The following UBASH3B variants were observed in gnomAD, a reference collection of about 807,000 sequenced individuals.
UBASH3B encodes ubiquitin-associated and SH3 domain-containing protein B.
A neutral mutation model predicts 83.4 loss-of-function variants in UBASH3B; 37 were observed. That is an observed-to-expected ratio of 0.44 (90% CI 0.34 to 0.58). The LOEUF (loss-of-function observed/expected upper bound fraction) is 0.58, where lower values mean the gene tolerates loss of function less well. Among genes scored for constraint, UBASH3B ranks in the 20% least tolerant of loss-of-function variants. The pLI, the probability that UBASH3B is intolerant of heterozygous loss-of-function variation, is 0.01. For missense variants in UBASH3B, 657 were observed against 827.2 expected, an observed-to-expected ratio of 0.79 and a Z score of 2.52; for synonymous variants, 304 against 318.3, an observed-to-expected ratio of 0.96 and a Z score of 0.48.
intron 1 of UBASH3B, among the ~76,000 whole-genome samples, chr11:122,741,907 C>T (rs574799296): frequency 1.3e-5 from 2 of 152,306 alleles, no homozygotes; most frequent in South Asian, 4.1e-4. Flanking sequence ...CCAAGCAGTC[C>T]AACCCCGCTA....
At chr11:122,790,042 C>A (rs144524229) in intron 6 of UBASH3B, among the ~76,000 whole-genome samples, 54 of 152,340 alleles carry the variant, frequency 3.5e-4, no homozygotes, top group African/African-American at 1.3e-3. Context: ...GCCAGCGCTT[C>A]CCTGGCACAC....
chr11:122,743,920 C>A (rs913039821), intron 1 of UBASH3B, among the ~76,000 whole-genome samples: 1 of 152,162 alleles, frequency 6.6e-6, no homozygotes, highest in Non-Finnish European at 1.5e-5. Context: ...AAACCCCTGG[C>A]GAGGAAGAGG....
At chr11:122,787,352 G>A (rs991617950) in intron 5 of UBASH3B, among the ~76,000 whole-genome samples, 3 of 152,152 alleles carry the variant, frequency 2.0e-5, no homozygotes, top group Non-Finnish European at 4.4e-5. Context: ...GGAAGAATAA[G>A]GAGGCAATCA....
intron 3 of UBASH3B, among the ~76,000 whole-genome samples, chr11:122,778,585 C>A (rs1002467767): frequency 4.0e-4 from 56 of 138,614 alleles, no homozygotes; most frequent in African/African-American, 1.5e-3. Context: ...GCAAGGAGAA[C>A]TTTGATTTTT....
chr11:122,769,643 C>T (rs1860608791), intron 1 of UBASH3B, among the ~76,000 whole-genome samples: 1 of 152,224 alleles, frequency 6.6e-6, no homozygotes, highest in Non-Finnish European at 1.5e-5. Context: ...CAGAGCACAA[C>T]AAAAGGCTGT....
chr11:122,656,229 A>G lies in UBASH3B; in HGVS notation c.161+19A>G. The G allele has an allele frequency of 7.1e-7, 1 of 1,417,776 alleles. No homozygotes were observed. The highest frequency in any genetic ancestry group is 9.3e-7 in the Non-Finnish European group (1 of 1,077,634). The allele number at this position is 1,417,776 out of a possible 1,614,324, so 87.8% of individuals were successfully genotyped here. A position where few individuals can be genotyped will look rare whatever the true frequency, so the allele number is the denominator to read the frequency against. ...CCCGCGCGTAAGTGGCCGGGCTCGC[A>G]GCCCTCGGCGACCCCTCCCGCGCGC... On this transcript the variant is annotated intron_variant, in intron 1 of 13. Coordinates refer to ENST00000284273, the MANE Select transcript of UBASH3B (RefSeq NM_032873.5).
At chr11:122,777,570 G>A (rs1194666211) in intron 3 of UBASH3B, among the ~76,000 whole-genome samples, 2 of 152,122 alleles carry the variant, frequency 1.3e-5, no homozygotes, top group Non-Finnish European at 2.9e-5. Context: ...ACTAAGAGCA[G>A]GGAACAACAA....
intron 11 of UBASH3B, among the ~76,000 whole-genome samples, chr11:122,805,249 G>C (rs1200013287): frequency 2.6e-5 from 4 of 152,232 alleles, no homozygotes; most frequent in African/African-American, 9.6e-5. Context: ...GGTCAGATTG[G>C]CTGGGTGCAG....
rs375288915 is a variant in UBASH3B, at chr11:122,729,348, G to A, written c.162-46871G>A. On this transcript the variant is annotated intron_variant, in intron 1 of 13. Transcript: ENST00000284273. ...CTTGTTGAGGGGAAGGGGTGTGAGAGGCCCTGGTGCCTGAGCCACACACTG... is the reference window on the plus strand; with the variant it reads ...CTTGTTGAGGGGAAGGGGTGTGAGAAGCCCTGGTGCCTGAGCCACACACTG... 3.3e-5 allele frequency among the ~76,000 whole-genome samples: 5 copies of A among 152,284 alleles called. No homozygotes were observed. In the South Asian group the frequency reaches 8.3e-4, roughly 25 times the overall value.
chr11:122,784,762 T>C (rs1162371213), intron 5 of UBASH3B, among the ~76,000 whole-genome samples: 2 of 152,148 alleles, frequency 1.3e-5, no homozygotes, highest in East Asian at 3.9e-4. Flanking sequence ...AGGTTCAGGG[T>C]TAAGCATGCG....
At chr11:122,792,571 G>A (rs963137515) in intron 6 of UBASH3B, among the ~76,000 whole-genome samples, 8 of 152,162 alleles carry the variant, frequency 5.3e-5, no homozygotes, top group Admixed American at 3.9e-4. Flanking sequence ...TGCCTGCCTC[G>A]GCCTCTCAAA....
At chr11:122,716,500 G>T (rs372192349) in intron 1 of UBASH3B, among the ~76,000 whole-genome samples, 1 of 152,172 alleles carries the variant, frequency 6.6e-6, no homozygotes. Flanking sequence ...CACATATGCC[G>T]TGAGTTAGCT....
chr11:122,806,637 T>G lies in UBASH3B; in HGVS notation c.1702+121T>G. ...AACCAAAGAAATGTATTTCCAGATT[T>G]TCTTCCAGATACTTTTACATTAAAT... On this transcript the variant is annotated intron_variant, in intron 12 of 13. Transcript: ENST00000284273. The surrounding 1 kb of genome is among the most constrained non-coding windows in gnomAD (Gnocchi z 4.0). The G allele has an allele frequency of 7.7e-7, 1 of 1,305,514 alleles. No individual in the cohort carries two copies. Among genetic ancestry groups the G allele is most frequent in the South Asian group, 2.0e-5 (1 of 49,478 alleles). The allele number at this position is 1,305,514 out of a possible 1,614,324, so 80.9% of individuals were successfully genotyped here.
At chr11:122,713,091 T>A (rs557960396) in intron 1 of UBASH3B, among the ~76,000 whole-genome samples, 19 of 151,958 alleles carry the variant, frequency 1.3e-4, no homozygotes, top group African/African-American at 4.3e-4. Context: ...GTATTTTTAG[T>A]AGAGACGGGG....
chr11:122,694,954 CTTTTTTTTTTTTTT>C (rs71054088), intron 1 of UBASH3B, among the ~76,000 whole-genome samples: 6 of 50,414 alleles, frequency 1.2e-4, no homozygotes, highest in African/African-American at 4.2e-4. Context: ...TCTTTTCTTT[CTTTTTTTTTTTTTT>C]TTTTTTTTTT....
intron 1 of UBASH3B, among the ~76,000 whole-genome samples, chr11:122,767,279 A>C (rs1436485910): frequency 6.8e-6 from 1 of 147,602 alleles, no homozygotes; most frequent in Non-Finnish European, 1.5e-5. Flanking sequence ...AAAAAAAAAA[A>C]AAGTAATCTC....
chr11:122,786,740 T>G (rs779898056), intron 5 of UBASH3B, among the ~76,000 whole-genome samples: 7 of 152,204 alleles, frequency 4.6e-5, no homozygotes, highest in Non-Finnish European at 1.0e-4. Context: ...AGGCATGTGT[T>G]CTCACATCTT....
intron 1 of UBASH3B, among the ~76,000 whole-genome samples, chr11:122,693,890 A>C (rs1863927533): frequency 6.6e-6 from 1 of 152,122 alleles, no homozygotes; most frequent in African/African-American, 2.4e-5. Flanking sequence ...AAAAATAAGA[A>C]AGAAAGAATG....
At chr11:122,769,018 G>A (rs1027958174) in intron 1 of UBASH3B, among the ~76,000 whole-genome samples, 2 of 152,234 alleles carry the variant, frequency 1.3e-5, no homozygotes, top group African/African-American at 4.8e-5. Context: ...AGTTTGTCAT[G>A]AGGTAGCTTA....
Sources: allele counts gnomAD v4.1 joint callset (sites outside exome capture counted in the v4.1 genomes callset), GRCh38; gene constraint gnomAD v4.1.1; non-coding constraint Gnocchi (gnomAD v3.1); transcripts MANE v1.5; gene names NCBI Gene and HGNC (gene_info 2026-07-23, HGNC 2026-07-21).